Variants in AP4S1 observed in about 807,000 individuals in gnomAD.
AP4S1 encodes AP-4 complex subunit sigma-1.
In AP4S1, 23 loss-of-function variants were observed where a neutral mutation model predicts 19.8. The observed-to-expected ratio is 1.16, with a 90% confidence interval of 0.84 to 1.65. The LOEUF (loss-of-function observed/expected upper bound fraction) is 1.65. Among genes scored for constraint, AP4S1 ranks in the 40% most tolerant of loss-of-function variants. AP4S1 has a pLI of 0.00. For synonymous variants in AP4S1, 46 were observed against 54.1 expected (o/e 0.85, Z 0.66); for missense variants, 166 against 172.8 (o/e 0.96, Z 0.22).
chr14:31,080,943 C>T (rs1367060106), intron 5 of AP4S1, among the ~76,000 whole-genome samples: 2 of 152,094 alleles, frequency 1.3e-5, no homozygotes, highest in Admixed American at 6.6e-5. Context: ...GGGCGCCCAC[C>T]ACCACGCCCA....
chr14:31,089,166 A>G (rs1397820105), intron 5 of AP4S1, among the ~76,000 whole-genome samples: 2 of 149,000 alleles, frequency 1.3e-5, no homozygotes, highest in African/African-American at 4.9e-5. Context: ...TCTTAACCAA[A>G]AAAAAAAAAA....
At chr14:31,039,404 C>CA in intron 1 of AP4S1, among the ~76,000 whole-genome samples, 1 of 151,680 alleles carries the variant, frequency 6.6e-6, no homozygotes, top group South Asian at 2.1e-4. Context: ...AGGCTGGTCT[C>CA]AAACTCCTGG....
intron 1 of AP4S1, among the ~76,000 whole-genome samples, chr14:31,039,431 C>A (rs1884967825): frequency 6.6e-6 from 1 of 151,998 alleles, no homozygotes; most frequent in East Asian, 1.9e-4. Flanking sequence ...GTGATCTGCC[C>A]GCCTCGGCCT....
chr14:31,085,719 G>A (rs1887893311), intron 5 of AP4S1: 2 of 758,544 alleles, frequency 2.6e-6, no homozygotes, highest in Non-Finnish European at 3.2e-6. Flanking sequence ...GCTGCAGTGA[G>A]CCATGATTGT....
At chr14:31,039,757 A>AT (rs1885003065) in intron 1 of AP4S1, among the ~76,000 whole-genome samples, 1 of 151,146 alleles carries the variant, frequency 6.6e-6, no homozygotes, top group East Asian at 2.0e-4. Flanking sequence ...TGCCCGGCTA[A>AT]TTTTTGTATT....
chr14:31,072,833 T>C (rs562229515), intron 3 of AP4S1, 72 bp from the exon 4 acceptor site: 2 of 1,267,064 alleles, frequency 1.6e-6, no homozygotes, highest in African/African-American at 1.5e-5. Context: ...GGACACTGAC[T>C]GGGAAGTTCT....
chr14:31,025,611 G>T, upstream of AP4S1: 1 of 479,032 alleles, frequency 2.1e-6, no homozygotes. Context: ...CCGGAGGCCC[G>T]GGAAGGCCGC....
At chr14:31,049,373 C>T (rs184429004) in intron 1 of AP4S1, among the ~76,000 whole-genome samples, 33 of 140,046 alleles carry the variant, frequency 2.4e-4, no homozygotes, top group Non-Finnish European at 3.7e-4. Context: ...GAGATCGCAC[C>T]ACTGCACTCC....
At chr14:31,051,743 T>A (rs1458889489) in intron 1 of AP4S1, among the ~76,000 whole-genome samples, 1 of 152,112 alleles carries the variant, frequency 6.6e-6, no homozygotes, top group Non-Finnish European at 1.5e-5. Flanking sequence ...ACACTGTAAC[T>A]TCCCCCTCCC....
intron 5 of AP4S1, among the ~76,000 whole-genome samples, chr14:31,091,768 A>G (rs1888082811): frequency 6.6e-6 from 1 of 152,190 alleles, no homozygotes; most frequent in Admixed American, 6.6e-5. Flanking sequence ...TCACTTTACA[A>G]AGATTTAATT....
At chr14:31,078,148 C>T (rs1887466046) in intron 4 of AP4S1, among the ~76,000 whole-genome samples, 1 of 152,070 alleles carries the variant, frequency 6.6e-6, no homozygotes, top group African/African-American at 2.4e-5. Context: ...TGAAAGATAC[C>T]AAGAGGTGGT....
intron 1 of AP4S1, among the ~76,000 whole-genome samples, chr14:31,044,072 A>G (rs1440958329): frequency 1.3e-5 from 2 of 152,222 alleles, no homozygotes; most frequent in African/African-American, 4.8e-5. Flanking sequence ...TATATAATTT[A>G]ACTCAATGTT....
intron 1 of AP4S1, among the ~76,000 whole-genome samples, chr14:31,036,743 T>A (rs1365639210): frequency 6.6e-6 from 1 of 152,210 alleles, no homozygotes; most frequent in Non-Finnish European, 1.5e-5. Flanking sequence ...TCACTTCTAG[T>A]GGGGCTCCTT....
Position 31,066,132 on chromosome 14 carries a change from G to A in AP4S1, c.-65G>A. The A allele has an allele frequency of 1.3e-6, 2 of 1,544,216 alleles. No homozygotes were observed. Among genetic ancestry groups the A allele is most frequent in the Non-Finnish European group, 1.8e-6 (2 of 1,119,780 alleles). On this transcript the variant is annotated 5_prime_UTR_variant, in exon 2 of 6. Coordinates refer to ENST00000542754, the MANE Select transcript of AP4S1 (RefSeq NM_001128126.3). Reference sequence around the variant, plus strand: ...GTTTGTTTTTGTCTTCAAGGTTCCAGTTACAGCCATCCCTTGTCATAACTT... The same window carrying A: ...GTTTGTTTTTGTCTTCAAGGTTCCAATTACAGCCATCCCTTGTCATAACTT...
At chr14:31,091,610 A>C (rs1338721594) in intron 5 of AP4S1, among the ~76,000 whole-genome samples, 2 of 151,870 alleles carry the variant, frequency 1.3e-5, no homozygotes, top group South Asian at 2.1e-4. Flanking sequence ...CTATTTGCAC[A>C]GAGCTTAATG....
intron 1 of AP4S1, among the ~76,000 whole-genome samples, chr14:31,058,281 T>C (rs1035014777): frequency 2.0e-5 from 3 of 152,128 alleles, no homozygotes; most frequent in African/African-American, 7.2e-5. Flanking sequence ...AGCATGTTCA[T>C]GCTAATCCAA....
intron 4 of AP4S1, among the ~76,000 whole-genome samples, chr14:31,074,667 C>T (rs990007956): frequency 1.3e-5 from 2 of 152,004 alleles, no homozygotes; most frequent in Admixed American, 6.6e-5. Flanking sequence ...AGCAAGACTC[C>T]GTCTCAAATA....
Position 31,092,467 on chromosome 14 carries a change from AACAT to A in AP4S1, c.307-435_307-432del, listed in dbSNP as rs545177578. The stretch of plus-strand genomic sequence containing the variant: ...GGGTAAACTGAGGATAATATGTAAC[AACAT>A]ACATCAGAGATTTGTAGAGGGCTGA... On this transcript the variant is annotated intron_variant, in intron 5 of 5. Coordinates refer to ENST00000542754, the MANE Select transcript of AP4S1 (RefSeq NM_001128126.3). 2.6e-3 allele frequency among the ~76,000 whole-genome samples: 401 copies of A among 152,348 alleles called. 2 individuals are homozygous for A. Among genetic ancestry groups the A allele is most frequent in the African/African-American group, 9.1e-3 (380 of 41,590 alleles).
At chr14:31,041,955 A>G (rs1416834794) in intron 1 of AP4S1, among the ~76,000 whole-genome samples, 1 of 152,142 alleles carries the variant, frequency 6.6e-6, no homozygotes, top group African/African-American at 2.4e-5. Flanking sequence ...CAGCCTCCGT[A>G]GTAGCTGGGA....
Sources: allele counts gnomAD v4.1 joint callset (sites outside exome capture counted in the v4.1 genomes callset), GRCh38; gene constraint gnomAD v4.1.1; transcripts MANE v1.5; gene names NCBI Gene and HGNC (gene_info 2026-07-23, HGNC 2026-07-21).